The following NR3C2 variants were observed in gnomAD, a reference collection of about 807,000 sequenced individuals.
The protein encoded by NR3C2 is nuclear receptor subfamily 3 group C member 2.
In NR3C2, 15 loss-of-function variants were observed where a neutral mutation model predicts 86.4. The ratio of observed to expected loss-of-function variants is 0.17; its 90% CI spans 0.12 to 0.27. The LOEUF (loss-of-function observed/expected upper bound fraction) is 0.27. Among genes scored for constraint, NR3C2 ranks in the 10% least tolerant of loss-of-function variants. The pLI, the probability that NR3C2 is intolerant of heterozygous loss-of-function variation, is 1.00. For synonymous variants in NR3C2, 458 were observed against 450.5 expected (o/e 1.02, Z -0.21); for missense variants, 960 against 1,195.6 (o/e 0.80, Z 2.91).
intron 2 of NR3C2, among the ~76,000 whole-genome samples, chr4:148,319,891 C>G (rs1192186749): frequency 4.3e-5 from 6 of 140,698 alleles, no homozygotes; most frequent in East Asian, 2.2e-4. Context: ...CCTAATTGCC[C>G]TGGCCAGAAC....
rs1306240406 is a variant in NR3C2 at position 148,120,204 on chromosome 4, G to A, written c.2595C>T (p.Thr865=). The A allele has an allele frequency of 6.2e-7, 1 of 1,614,154 alleles. No homozygotes were observed. Residue 865 remains threonine (T), a synonymous_variant, in exon 7 of 9, where the codon ACC becomes ACT. Coordinates refer to ENST00000358102, the MANE Select transcript of NR3C2 (RefSeq NM_000901.5). The part of the protein sequence containing the change: ...ISLQFVRLQL[T]FEEYTIMKVL... ...CTTTCATGATGGTGTATTCTTCAAA[G>A]GTGAGCTGCAGTCGAACGAACTGAA...
At chr4:148,444,538 A>C (rs768459367), upstream of NR3C2, 249 of 984,288 alleles carry the variant, frequency 2.5e-4, no homozygotes, top group Non-Finnish European at 2.9e-4. Context: ...TTTCTAGGAC[A>C]TGGTGGGGAG....
chr4:148,392,035 T>C (rs1198175469), intron 2 of NR3C2, among the ~76,000 whole-genome samples: 3 of 151,996 alleles, frequency 2.0e-5, no homozygotes, highest in Non-Finnish European at 2.9e-5. Flanking sequence ...AATTAATAAC[T>C]ATTACCAAGT....
Position 148,436,690 on chromosome 4 carries a change from G to A in NR3C2, c.171C>T (p.Asn57=), listed in dbSNP as rs547973154. The change falls in exon 2 of 9, where the codon AAC becomes AAT. Residue 57 remains asparagine, a synonymous_variant. Coordinates refer to ENST00000358102, the MANE Select transcript of NR3C2 (RefSeq NM_000901.5). ...NVSCVSGAIP[N]NSTQGSSKEK... is the part of the protein sequence containing the mutation. ...CTTTGCTGCTTCCTTGAGTACTGTT[G>A]TTTGGAATAGCACCGGAAACACAGC... 6.2e-7 allele frequency: 1 copy of A among 1,614,116 alleles called. No homozygotes were observed.
chr4:148,433,491 A>AAAAATTATAAAACAATTTC (rs1749895508), intron 2 of NR3C2, among the ~76,000 whole-genome samples: 2 of 152,202 alleles, frequency 1.3e-5, no homozygotes, highest in Admixed American at 1.3e-4. Context: ...TATGAAAACT[A>AAAAATTATAAAACAATTTC]AAAATTATAA....
chr4:148,407,199 G>A (rs1453047487), intron 2 of NR3C2, among the ~76,000 whole-genome samples: 1 of 152,136 alleles, frequency 6.6e-6, no homozygotes, highest in Admixed American at 6.5e-5. Flanking sequence ...AACCCAAGCA[G>A]TGTAATTTCA....
At chr4:148,134,956 C>A (rs1733230865) in intron 6 of NR3C2, among the ~76,000 whole-genome samples, 1 of 151,996 alleles carries the variant, frequency 6.6e-6, no homozygotes, top group African/African-American at 2.4e-5. Flanking sequence ...CCATGCTCAA[C>A]CCTCCCTGGG....
chr4:148,095,103 CTA>C (rs1229623179), intron 8 of NR3C2, among the ~76,000 whole-genome samples: 1 of 152,218 alleles, frequency 6.6e-6, no homozygotes, highest in African/African-American at 2.4e-5. Flanking sequence ...GGTTGCACAA[CTA>C]TGTGAATGGA....
chr4:148,251,227 G>T (rs543172674), intron 3 of NR3C2, among the ~76,000 whole-genome samples: 9 of 151,990 alleles, frequency 5.9e-5, no homozygotes, highest in Non-Finnish European at 1.3e-4. Flanking sequence ...CCAAAGTTCT[G>T]GGATTACAGG....
intron 2 of NR3C2, among the ~76,000 whole-genome samples, chr4:148,269,846 T>C (rs1459691313): frequency 1.3e-5 from 2 of 152,248 alleles, no homozygotes; most frequent in African/African-American, 4.8e-5. Context: ...GACTACTAAA[T>C]GCTTACTTGA....
chr4:148,248,206 T>C (rs769854697), intron 3 of NR3C2, among the ~76,000 whole-genome samples: 36 of 152,222 alleles, frequency 2.4e-4, no homozygotes, highest in Non-Finnish European at 2.6e-4. Flanking sequence ...GTGATTTTTA[T>C]TTAAGATTTC....
At chr4:148,267,653 C>T (rs1442223118) in intron 2 of NR3C2, among the ~76,000 whole-genome samples, 1 of 152,024 alleles carries the variant, frequency 6.6e-6, no homozygotes. Flanking sequence ...AATTCTGGCT[C>T]CCCTGGTGTC....
chr4:148,143,553 A>G (rs935564787), intron 6 of NR3C2, among the ~76,000 whole-genome samples: 1 of 152,216 alleles, frequency 6.6e-6, no homozygotes, highest in African/African-American at 2.4e-5. Flanking sequence ...AAATTGCTCA[A>G]TAAATATCTG....
At chr4:148,155,939 G>A (rs1734362291) in intron 4 of NR3C2, among the ~76,000 whole-genome samples, 1 of 152,104 alleles carries the variant, frequency 6.6e-6, no homozygotes, top group Non-Finnish European at 1.5e-5. Context: ...ACAGAACAGA[G>A]CCCTCAGAAA....
At chr4:148,417,013 G>C (rs1384493958) in intron 2 of NR3C2, among the ~76,000 whole-genome samples, 1 of 152,066 alleles carries the variant, frequency 6.6e-6, no homozygotes, top group Non-Finnish European at 1.5e-5. Flanking sequence ...CTGACCTCAG[G>C]TGATCCACCC....
chr4:148,190,698 T>G (rs1169630490), intron 4 of NR3C2, among the ~76,000 whole-genome samples: 2 of 152,272 alleles, frequency 1.3e-5, no homozygotes, highest in African/African-American at 4.8e-5. Flanking sequence ...GTAATTGTTT[T>G]ATAAATCTGG....
chr4:148,235,282 A>T (rs916828849), intron 3 of NR3C2, among the ~76,000 whole-genome samples: 5 of 149,318 alleles, frequency 3.3e-5, no homozygotes, highest in Non-Finnish European at 5.9e-5. Context: ...ATATATATAT[A>T]TTTAAGATTC....
At chr4:148,434,943 C>CA (rs1337349513) in intron 2 of NR3C2, among the ~76,000 whole-genome samples, 161 bp downstream of exon 2, 2 of 151,988 alleles carry the variant, frequency 1.3e-5, no homozygotes, top group African/African-American at 4.8e-5. Flanking sequence ...CCCTCTACTT[C>CA]AAAAAAATAA....
At chr4:148,274,000 T>C (rs1339500358) in intron 2 of NR3C2, among the ~76,000 whole-genome samples, 2 of 149,978 alleles carry the variant, frequency 1.3e-5, no homozygotes, top group African/African-American at 4.9e-5. Context: ...AGCTTCACAC[T>C]AGGAGCACTG....
Sources: gnomAD v4.1 joint callset for allele counts (sites outside exome capture counted in the v4.1 genomes callset) on GRCh38, gnomAD v4.1.1 for gene constraint, MANE v1.5 for transcripts, NCBI Gene and HGNC (gene_info 2026-07-23, HGNC 2026-07-21) for gene names.